KCNIP3: variants seen among roughly 807,000 people sequenced by gnomAD.
KCNIP3 encodes the protein potassium voltage-gated channel interacting protein 3.
KCNIP3 carries 28 observed loss-of-function variants against 35.0 expected under a neutral mutation model. The observed-to-expected ratio is 0.80, with a 90% CI of 0.59 to 1.10. KCNIP3 has a LOEUF of 1.10. KCNIP3 is among the 50% of genes least tolerant of loss of function. The probability of loss-of-function intolerance (pLI) is 0.00; values close to 1 mark genes in which losing one functional copy is unlikely to be tolerated. For missense variants in KCNIP3, 295 were observed against 338.4 expected (o/e 0.87, Z 1.01); for synonymous variants, 134 against 133.8 (o/e 1.00, Z -0.01).
At chr2:95,345,721 G>A (rs1679337344) in intron 2 of KCNIP3, among the ~76,000 whole-genome samples, 1 of 152,264 alleles carries the variant, frequency 6.6e-6, no homozygotes, top group South Asian at 2.1e-4. Flanking sequence ...GCAGCAGAGG[G>A]CCAGGCTCCC....
intron 2 of KCNIP3, among the ~76,000 whole-genome samples, chr2:95,319,634 G>T (rs1678537891): frequency 6.6e-6 from 1 of 152,186 alleles, no homozygotes; most frequent in South Asian, 2.1e-4. Context: ...TATCTTCCCT[G>T]GAGGGGCTAG....
intron 2 of KCNIP3, among the ~76,000 whole-genome samples, chr2:95,314,446 C>G (rs1298015543): frequency 1.3e-5 from 2 of 152,126 alleles, no homozygotes; most frequent in Non-Finnish European, 2.9e-5. Context: ...TGGCTGAGTC[C>G]TTGGTGGAGT....
rs112036909 is a variant in KCNIP3, at chr2:95,378,797, T to C, written c.448-2799T>C. Among the ~76,000 whole-genome samples, 173 of 147,624 alleles carry C rather than the reference T, an allele frequency of 1.2e-3. 1 individual carries two copies. Among genetic ancestry groups the C allele is most frequent in the Non-Finnish European group, 1.4e-3 (92 of 67,136 alleles). On this transcript the variant is annotated intron_variant, in intron 5 of 8. Transcript: ENST00000295225. The surrounding 1 kb of genome is among the most constrained non-coding windows in gnomAD (Gnocchi z 4.0). ...ATATATATACACACACACACACACA[T>C]ATATATATATACACACACACACACA... is the stretch of plus-strand genomic sequence containing the variant.
At chr2:95,351,915 C>T (rs1460988269) in intron 2 of KCNIP3, among the ~76,000 whole-genome samples, 2 of 152,128 alleles carry the variant, frequency 1.3e-5, no homozygotes, top group Non-Finnish European at 2.9e-5. Context: ...AGTTTACAGG[C>T]CACTGGCTAA....
At chr2:95,340,495 T>C (rs72821412) in intron 2 of KCNIP3, among the ~76,000 whole-genome samples, 2,474 of 152,326 alleles carry the variant, frequency 0.016, 34 homozygotes, top group Non-Finnish European at 0.024. Context: ...GCTAAGACTT[T>C]ACTGTAGAAG....
At chr2:95,336,878 G>T (rs1573498462) in intron 2 of KCNIP3, among the ~76,000 whole-genome samples, 1 of 152,312 alleles carries the variant, frequency 6.6e-6, no homozygotes, top group South Asian at 2.1e-4. Context: ...GTGCGTGGGT[G>T]GGCCTGAACC....
intron 2 of KCNIP3, among the ~76,000 whole-genome samples, chr2:95,337,999 T>G (rs1212449879): frequency 6.6e-6 from 1 of 152,126 alleles, no homozygotes; most frequent in Non-Finnish European, 1.5e-5. Flanking sequence ...AAACAGTGAA[T>G]GTTTCTCAGT....
intron 2 of KCNIP3, among the ~76,000 whole-genome samples, chr2:95,332,013 G>A (rs552893909): frequency 1.3e-5 from 2 of 152,320 alleles, no homozygotes; most frequent in South Asian, 2.1e-4. Flanking sequence ...GGTCATCCCC[G>A]CCCCGTTCTC....
At chr2:95,347,024 G>C in intron 2 of KCNIP3, 1 of 1,606,820 alleles carries the variant, frequency 6.2e-7, no homozygotes, top group Non-Finnish European at 8.5e-7. Flanking sequence ...CTTGCCATGG[G>C]CATCCAGGGC....
chr2:95,345,419 C>A (rs1448348980), intron 2 of KCNIP3, among the ~76,000 whole-genome samples: 2 of 152,268 alleles, frequency 1.3e-5, no homozygotes. Context: ...CGCAGCCACG[C>A]GCCGCGGCTC....
intron 2 of KCNIP3, among the ~76,000 whole-genome samples, chr2:95,340,423 C>T (rs1039077832): frequency 6.6e-6 from 1 of 152,246 alleles, no homozygotes; most frequent in African/African-American, 2.4e-5. Context: ...CAACAATGCA[C>T]ATCCACACTA....
chr2:95,336,961 C>T (rs1231152225), intron 2 of KCNIP3, among the ~76,000 whole-genome samples: 1 of 152,160 alleles, frequency 6.6e-6, no homozygotes, highest in East Asian at 1.9e-4. Flanking sequence ...GTTGTTCCTG[C>T]AAGCACTCCA....
chr2:95,339,452 T>C (rs1300549554), intron 2 of KCNIP3, among the ~76,000 whole-genome samples: 3 of 151,776 alleles, frequency 2.0e-5, no homozygotes, highest in Non-Finnish European at 4.4e-5. Flanking sequence ...GGCATGGTGG[T>C]GCATGCCTGT....
chr2:95,353,758 A>G (rs1304724371), intron 2 of KCNIP3, among the ~76,000 whole-genome samples: 2 of 152,164 alleles, frequency 1.3e-5, no homozygotes, highest in South Asian at 2.1e-4. Context: ...TTGTGACCAC[A>G]TCTGTGGCAT....
intron 2 of KCNIP3, among the ~76,000 whole-genome samples, chr2:95,336,004 A>C (rs1383642665): frequency 6.6e-6 from 1 of 151,912 alleles, no homozygotes; most frequent in African/African-American, 2.4e-5. Flanking sequence ...CGTTATTATC[A>C]TCTGTTGTAT....
intron 2 of KCNIP3, chr2:95,346,861 C>T (rs1679384176): frequency 7.2e-6 from 2 of 277,842 alleles, no homozygotes; most frequent in African/African-American, 2.3e-5. Flanking sequence ...CTCCACGGGG[C>T]CCCGGCCCAG....
chr2:95,334,209 G>A (rs1332743519), intron 2 of KCNIP3, among the ~76,000 whole-genome samples: 2 of 152,212 alleles, frequency 1.3e-5, no homozygotes, highest in South Asian at 2.1e-4. Context: ...TTGGCCGGCC[G>A]TGCTTCCTGC....
At chr2:95,306,830 C>T (rs1290422144) in intron 1 of KCNIP3, among the ~76,000 whole-genome samples, 2 of 152,206 alleles carry the variant, frequency 1.3e-5, no homozygotes, top group South Asian at 2.1e-4. Flanking sequence ...GACGCCCTCC[C>T]TTCCATGCTG....
intron 2 of KCNIP3, among the ~76,000 whole-genome samples, chr2:95,332,763 A>G (rs1678963286): frequency 6.6e-6 from 1 of 152,156 alleles, no homozygotes; most frequent in African/African-American, 2.4e-5. Context: ...TATTTTCAAG[A>G]CAACATGGGG....
Sources: allele counts gnomAD v4.1 joint callset (sites outside exome capture counted in the v4.1 genomes callset), GRCh38; gene constraint gnomAD v4.1.1; non-coding constraint Gnocchi (gnomAD v3.1); transcripts MANE v1.5; gene names NCBI Gene and HGNC (gene_info 2026-07-23, HGNC 2026-07-21).